Variants in OR1M1 observed in about 807,000 individuals in gnomAD.
The protein encoded by OR1M1 is olfactory receptor family 1 subfamily M member 1.
For missense variants in OR1M1, 397 were observed against 401.8 expected (o/e 0.99, Z 0.10); for synonymous variants, 157 against 165.5 (o/e 0.95, Z 0.39).
rs1051060804 is a variant in OR1M1 at position 9,088,267 on chromosome 19, G to A, written c.-14+1110G>A. 1.3e-5 allele frequency among the ~76,000 whole-genome samples: 2 copies of A among 152,166 alleles called. 1 individual carries two copies. Among genetic ancestry groups the A allele is most frequent in the Admixed American group, 1.3e-4 (2 of 15,276 alleles). ...CTCCTCAGTACTTCTGTAGGCAGAA[G>A]TTTGTGTTATTCCCCATGTTGGGTC... On this transcript the variant is annotated intron_variant, in intron 1 of 1. Coordinates refer to ENST00000641627, the MANE Select transcript of OR1M1 (RefSeq NM_001004456.2).
At chr19:9,091,263 C>T (rs1311265722) in intron 1 of OR1M1, among the ~76,000 whole-genome samples, 3 of 151,678 alleles carry the variant, frequency 2.0e-5, no homozygotes, top group African/African-American at 4.8e-5. Context: ...CAAGTGTGGG[C>T]GGATCACCTG....
intron 1 of OR1M1, among the ~76,000 whole-genome samples, chr19:9,091,129 C>A (rs985416648): frequency 6.6e-6 from 1 of 151,302 alleles, no homozygotes; most frequent in African/African-American, 2.4e-5. Context: ...ATCGTGCCAC[C>A]GCACTCCAGC....
At chr19:9,087,495 AG>A (rs1347276084) in intron 1 of OR1M1, among the ~76,000 whole-genome samples, 1 of 151,546 alleles carries the variant, frequency 6.6e-6, no homozygotes, top group African/African-American at 2.4e-5. Context: ...CTTGTTGCCC[AG>A]GCTGGAGTGC....
chr19:9,091,253 C>T (rs1045878821), intron 1 of OR1M1, among the ~76,000 whole-genome samples: 1 of 151,788 alleles, frequency 6.6e-6, no homozygotes, highest in Non-Finnish European at 1.5e-5. Context: ...TTTGGGAGGC[C>T]AAGTGTGGGC....
rs147270560 is a variant in OR1M1 at position 9,093,960 on chromosome 19, C to T, written c.716C>T (p.Ser239Phe). ...PSAGGRKKAF[S>F]TCSSHLSVVA... The stretch of plus-strand genomic sequence containing the variant: ...GCAGGCGGCAGGAAGAAAGCCTTCT[C>T]CACCTGCAGCTCCCACCTGTCTGTG... Residue 239 changes from serine to phenylalanine, a missense_variant, in exon 2 of 2, where the codon TCC (serine) becomes TTC (phenylalanine). Physicochemically the swap from Ser to Phe is radical, Grantham distance 155. Transcript: ENST00000641627. 13 of 1,614,166 alleles carry T rather than the reference C, an allele frequency of 8.1e-6. No homozygotes were observed. Among genetic ancestry groups the T allele is most frequent in the Admixed American group, 5.0e-5 (3 of 60,014 alleles).
intron 1 of OR1M1, among the ~76,000 whole-genome samples, chr19:9,092,633 G>A (rs575634072): frequency 1.2e-4 from 19 of 152,048 alleles, no homozygotes; most frequent in Non-Finnish European, 2.1e-4. Context: ...CTGGCGTGGT[G>A]GCTCACGCCT....
chr19:9,094,076 T>C lies in OR1M1; in HGVS notation c.832T>C (p.Tyr278His). The C allele has an allele frequency of 6.2e-7, 1 of 1,612,978 alleles. No homozygotes were observed. The highest frequency in any genetic ancestry group is 8.5e-7 in the Non-Finnish European group (1 of 1,179,074). Residue 278 changes from tyrosine (Y) to histidine (H), a missense_variant, in exon 2 of 2, where the codon TAC becomes CAC. By Grantham distance (83) the Tyr-to-His change is moderately conservative. Transcript: ENST00000641627. Reference protein sequence around the residue: ...TVKEKASAVMYTAVTPMLNPF... With the variant: ...TVKEKASAVMHTAVTPMLNPF... ...GAAGGAGAAAGCTTCTGCGGTGATGTACACAGCAGTCACCCCCATGCTGAA... is the reference window on the plus strand; with the variant it reads ...GAAGGAGAAAGCTTCTGCGGTGATGCACACAGCAGTCACCCCCATGCTGAA...
chr19:9,087,569 A>G (rs2100028), intron 1 of OR1M1, among the ~76,000 whole-genome samples: 98,756 of 152,008 alleles, frequency 0.65, 32,256 homozygotes, highest in East Asian at 0.8. Flanking sequence ...CTCCTACCTC[A>G]GCCTCCCGAG....
At chr19:9,089,183 C>T (rs1568296176) in intron 1 of OR1M1, among the ~76,000 whole-genome samples, 1 of 152,100 alleles carries the variant, frequency 6.6e-6, no homozygotes, top group African/African-American at 2.4e-5. Context: ...CAAATCTCTT[C>T]CTATCTGCCC....
Position 9,093,033 on chromosome 19 carries a change from C to CTA in OR1M1, c.-13-198_-13-197insAT, listed in dbSNP as rs1485376531. ...ATTTACATATATTCTCTCTCTCTCT[C>CTA]TCTCTATATATATATATATACACAC... On this transcript the variant is annotated intron_variant, in intron 1 of 1. Transcript: ENST00000641627. 5.6e-4 allele frequency: 180 copies of CTA among 322,158 alleles called. 1 individual carries two copies. Among genetic ancestry groups the CTA allele is most frequent in the South Asian group, 3.6e-3 (25 of 6,994 alleles). 20.0% of individuals were successfully genotyped at this position (322,158 alleles called of 1,614,324 possible). A position where few individuals can be genotyped will look rare whatever the true frequency, so the allele number is the denominator to read the frequency against.
intron 1 of OR1M1, among the ~76,000 whole-genome samples, chr19:9,089,559 G>A (rs1263666088): frequency 6.6e-6 from 1 of 151,854 alleles, no homozygotes; most frequent in African/African-American, 2.4e-5. Flanking sequence ...AAGTAGCCAG[G>A]ATTACAGGGG....
intron 1 of OR1M1, among the ~76,000 whole-genome samples, chr19:9,087,903 T>G (rs756305315): frequency 1.2e-4 from 18 of 151,488 alleles, no homozygotes; most frequent in Non-Finnish European, 1.5e-5. Flanking sequence ...ACTAGACTTT[T>G]TTTTTGAAAT....
rs1025582001 is a variant in OR1M1 at position 9,094,216 on chromosome 19, A to G, written c.*30A>G. ...CAGGACTCAGGAACTTCTGGGGGGT[A>G]GAATATATACATCTGGGAGTCTTGG... On this transcript the variant is annotated 3_prime_UTR_variant, in exon 2 of 2. Coordinates refer to ENST00000641627, the MANE Select transcript of OR1M1 (RefSeq NM_001004456.2). 1.1e-5 allele frequency: 15 copies of G among 1,396,704 alleles called. No individual in the cohort carries two copies. The highest frequency in any genetic ancestry group is 1.5e-5 in the Non-Finnish European group (15 of 1,005,628). The allele number at this position is 1,396,704 out of a possible 1,614,324, so 86.5% of individuals were successfully genotyped here.
chr19:9,090,894 C>T (rs917484762), intron 1 of OR1M1, among the ~76,000 whole-genome samples: 47 of 151,622 alleles, frequency 3.1e-4, no homozygotes, highest in South Asian at 6.3e-4. Context: ...AGGACGGGCG[C>T]GGTGGCTCAT....
At chr19:9,090,992 C>T (rs944737873) in intron 1 of OR1M1, among the ~76,000 whole-genome samples, 9 of 151,562 alleles carry the variant, frequency 5.9e-5, no homozygotes, top group East Asian at 2.0e-4. Context: ...TGGTGAAACC[C>T]CGTCTCTACT....
At chr19:9,087,996 T>G (rs1049361285) in intron 1 of OR1M1, among the ~76,000 whole-genome samples, 1 of 151,992 alleles carries the variant, frequency 6.6e-6, no homozygotes, top group African/African-American at 2.4e-5. Flanking sequence ...GTTCAAGAGA[T>G]TCTCCTGCCT....
chr19:9,090,571 T>A (rs2878328), intron 1 of OR1M1, among the ~76,000 whole-genome samples: 104,852 of 151,618 alleles, frequency 0.69, 36,499 homozygotes, highest in East Asian at 0.8. Context: ...AGTAGCTGGG[T>A]TTACAGGCAT....
rs2050314879 is a variant in OR1M1 at position 9,094,253 on chromosome 19, G to A, written c.*67G>A. The A allele has an allele frequency of 2.3e-6, 2 of 872,202 alleles. No individual in the cohort carries two copies. The highest frequency in any genetic ancestry group is 3.4e-5 in the African/African-American group (2 of 59,100). 54.0% of individuals were successfully genotyped at this position (872,202 alleles called of 1,614,324 possible). Reference sequence around the variant, plus strand: ...TCTGGGAGTCTTGGGCTAACATCTGGAATTGCATGAGTTGAAGAGTAGGCA... The same window carrying A: ...TCTGGGAGTCTTGGGCTAACATCTGAAATTGCATGAGTTGAAGAGTAGGCA... On this transcript the variant is annotated 3_prime_UTR_variant, in exon 2 of 2. Transcript: ENST00000641627.
chr19:9,093,072 CTATA>C (rs1244513799), intron 1 of OR1M1, 156 bp from the exon 2 acceptor site: 68 of 439,348 alleles, frequency 1.5e-4, no homozygotes, highest in South Asian at 7.2e-4. Flanking sequence ...CATATATATT[CTATA>C]TATACACACA....
Sources: gnomAD v4.1 joint callset for allele counts (sites outside exome capture counted in the v4.1 genomes callset) on GRCh38, gnomAD v4.1.1 for gene constraint, MANE v1.5 for transcripts, NCBI Gene and HGNC (gene_info 2026-07-23, HGNC 2026-07-21) for gene names.